PRDM16: variants seen among roughly 807,000 people sequenced by gnomAD.
The protein encoded by PRDM16 is PR/SET domain 16.
Under a neutral mutation model 110.6 loss-of-function variants are expected in PRDM16, and 23 were observed. That is an observed-to-expected ratio of 0.21 (90% CI 0.15 to 0.29). PRDM16 has a LOEUF of 0.29. Ranked by LOEUF, PRDM16 falls within the 10% of genes least tolerant of loss-of-function variation. The pLI is 1.00. For synonymous variants in PRDM16, 799 were observed against 781.8 expected, an observed-to-expected ratio of 1.02 and a Z score of -0.37; for missense variants, 1,615 against 1,794.3, an observed-to-expected ratio of 0.90 and a Z score of 1.81.
chr1:3,270,861 GGGAGGAGGACAGTCCA>G (rs1367546456), intron 3 of PRDM16, among the ~76,000 whole-genome samples: 1 of 151,166 alleles, frequency 6.6e-6, no homozygotes, highest in Non-Finnish European at 1.5e-5. Context: ...GAGGACAGTG[GGGAGGAGGACAGTCCA>G]GGAGGAGGAC....
At chr1:3,253,429 A>G (rs1170728666) in intron 3 of PRDM16, among the ~76,000 whole-genome samples, 29 of 137,394 alleles carry the variant, frequency 2.1e-4, no homozygotes, top group East Asian at 1.3e-3. Flanking sequence ...TTATTGTTCA[A>G]TTCCCACCTA....
intron 3 of PRDM16, among the ~76,000 whole-genome samples, chr1:3,323,746 C>T (rs1641817684): frequency 6.6e-6 from 1 of 152,266 alleles, no homozygotes; most frequent in Non-Finnish European, 1.5e-5. Flanking sequence ...CAAGGTCTCA[C>T]ATCCCAGAAC....
chr1:3,387,188 G>A (rs1358864847), intron 4 of PRDM16, among the ~76,000 whole-genome samples: 2 of 152,022 alleles, frequency 1.3e-5, no homozygotes, highest in South Asian at 2.1e-4. Flanking sequence ...TTACCCCACC[G>A]TCATCCCACA....
In PRDM16 at chr1:3,244,267, A is replaced by G. The variant is rs1639737977; in HGVS notation, c.438+130A>G. ...GAATGTTGCTGGCAGGCCCCGAGCA[A>G]TGTGTTATCTGTGGACTGACGTGTG... On this transcript the variant is annotated intron_variant, in intron 3 of 16. Transcript: ENST00000270722. The surrounding 1 kb of genome is among the most constrained non-coding windows in gnomAD (Gnocchi z 4.1). 3.6e-6 allele frequency: 3 copies of G among 834,136 alleles called. No homozygotes were observed. Among genetic ancestry groups the G allele is most frequent in the Admixed American group, 4.0e-5 (2 of 49,696 alleles). 51.7% of individuals were successfully genotyped at this position (834,136 alleles called of 1,614,324 possible). A position where few individuals can be genotyped will look rare whatever the true frequency, so the allele number is the denominator to read the frequency against.
chr1:3,116,278 G>A (rs1056000698), intron 1 of PRDM16, among the ~76,000 whole-genome samples: 4 of 152,188 alleles, frequency 2.6e-5, no homozygotes, highest in Non-Finnish European at 5.9e-5. Context: ...ACAGTAGGCA[G>A]AGCTCCCCGG....
At chr1:3,108,241 C>T (rs1316346014) in intron 1 of PRDM16, among the ~76,000 whole-genome samples, 1 of 152,228 alleles carries the variant, frequency 6.6e-6, no homozygotes, top group Non-Finnish European at 1.5e-5. Flanking sequence ...TATTCCCAAT[C>T]CAAATTATCC....
chr1:3,368,505 C>T (rs991675123), intron 3 of PRDM16, among the ~76,000 whole-genome samples: 3 of 152,150 alleles, frequency 2.0e-5, no homozygotes, highest in African/African-American at 7.2e-5. Context: ...CGAACCATGC[C>T]TCACCCCAAA....
intron 3 of PRDM16, among the ~76,000 whole-genome samples, chr1:3,325,747 G>A (rs1641874460): frequency 6.6e-6 from 1 of 152,186 alleles, no homozygotes; most frequent in Non-Finnish European, 1.5e-5. Flanking sequence ...GGCCCTCCTT[G>A]GACTTCCTTG....
intron 3 of PRDM16, among the ~76,000 whole-genome samples, chr1:3,282,818 G>A (rs570151421): frequency 9.2e-5 from 14 of 152,280 alleles, no homozygotes; most frequent in East Asian, 5.8e-4. Flanking sequence ...AGCCGTGGCC[G>A]GAGGGGCACG....
chr1:3,404,439 C>G (rs745744750), intron 6 of PRDM16, among the ~76,000 whole-genome samples: 1 of 152,236 alleles, frequency 6.6e-6, no homozygotes, highest in Non-Finnish European at 1.5e-5. Context: ...TGAGAGGCAC[C>G]CAGGGAGTGT....
At chr1:3,369,524 C>G (rs1259865156) in intron 3 of PRDM16, among the ~76,000 whole-genome samples, 1 of 152,256 alleles carries the variant, frequency 6.6e-6, no homozygotes, top group Non-Finnish European at 1.5e-5. Flanking sequence ...CGCTGGGCAG[C>G]TGGGTATGAG....
chr1:3,430,697 TCTCA>T (rs2100701501), intron 14 of PRDM16, among the ~76,000 whole-genome samples, 171 bp from the exon 15 acceptor site: 1 of 152,254 alleles, frequency 6.6e-6, no homozygotes, highest in South Asian at 2.1e-4. Flanking sequence ...CCTCCGTGCC[TCTCA>T]CTCTGCAGAG....
intron 7 of PRDM16, among the ~76,000 whole-genome samples, chr1:3,405,142 C>T (rs1643538676): frequency 6.6e-6 from 1 of 152,186 alleles, no homozygotes; most frequent in African/African-American, 2.4e-5. Context: ...CGGCTCCTGT[C>T]CTCCCGCCGG....
intron 3 of PRDM16, among the ~76,000 whole-genome samples, chr1:3,287,780 C>T (rs571652855): frequency 2.1e-5 from 3 of 146,082 alleles, no homozygotes; most frequent in Non-Finnish European, 3.0e-5. Context: ...TTGCATTTAC[C>T]GGGGCTGGAG....
In PRDM16 at chr1:3,174,064, G is replaced by C. The variant is rs1013581619; in HGVS notation, c.38-12061G>C. On this transcript the variant is annotated intron_variant, in intron 1 of 16. Coordinates refer to ENST00000270722, the MANE Select transcript of PRDM16 (RefSeq NM_022114.4). ...CAACCGAAGGGTGTGCTCCTACTCCGGAGGCCAGAGACACAAAGCCAGGCT... is the reference window on the plus strand; with the variant it reads ...CAACCGAAGGGTGTGCTCCTACTCCCGAGGCCAGAGACACAAAGCCAGGCT... Among the ~76,000 whole-genome samples, 24 of 152,196 alleles carry C rather than the reference G, an allele frequency of 1.6e-4. No homozygotes were observed. In the Middle Eastern group the frequency reaches 0.014, roughly 86 times the overall value.
intron 2 of PRDM16, among the ~76,000 whole-genome samples, chr1:3,240,486 GC>G (rs905106602): frequency 1.3e-5 from 2 of 151,986 alleles, no homozygotes; most frequent in African/African-American, 4.8e-5. Flanking sequence ...TGCTCTCAAT[GC>G]CAAGAGCAAG....
intron 2 of PRDM16, among the ~76,000 whole-genome samples, chr1:3,234,940 C>G (rs536937257): frequency 6.6e-6 from 1 of 152,380 alleles, no homozygotes; most frequent in East Asian, 1.9e-4. Flanking sequence ...CATCCTTTTC[C>G]AGGCTGCAGG....
chr1:3,188,456 G>A (rs1484965085), intron 2 of PRDM16, among the ~76,000 whole-genome samples: 1 of 152,240 alleles, frequency 6.6e-6, no homozygotes, highest in Non-Finnish European at 1.5e-5. Context: ...GCCGGTGCCT[G>A]TTGACTTTGT....
At chr1:3,199,946 T>G (rs983056900) in intron 2 of PRDM16, among the ~76,000 whole-genome samples, 5 of 152,180 alleles carry the variant, frequency 3.3e-5, no homozygotes, top group Non-Finnish European at 2.9e-5. Flanking sequence ...TTGTGTTCCG[T>G]CTCTCTCCCC....
Sources: allele counts gnomAD v4.1 joint callset (sites outside exome capture counted in the v4.1 genomes callset), GRCh38; gene constraint gnomAD v4.1.1; non-coding constraint Gnocchi (gnomAD v3.1); transcripts MANE v1.5; gene names NCBI Gene and HGNC (gene_info 2026-07-23, HGNC 2026-07-21).